Variants in MYO5A observed in about 807,000 individuals in gnomAD.
MYO5A encodes myosin VA.
In MYO5A, 98 loss-of-function variants were observed where a neutral mutation model predicts 249.7. That is an observed-to-expected ratio of 0.39 (90% CI 0.33 to 0.46). The LOEUF is 0.46. Among genes scored for constraint, MYO5A ranks in the 20% least tolerant of loss-of-function variants. The probability of loss-of-function intolerance (pLI) is 0.98; values close to 1 mark genes in which losing one functional copy is unlikely to be tolerated. For synonymous variants in MYO5A, 778 were observed against 810.6 expected (o/e 0.96, Z 0.68); for missense variants, 1,696 against 2,308.8 (o/e 0.73, Z 5.44).
At chr15:52,431,611 A>G (rs1212931499) in intron 2 of MYO5A, among the ~76,000 whole-genome samples, 1 of 151,834 alleles carries the variant, frequency 6.6e-6, no homozygotes, top group African/African-American at 2.4e-5. Flanking sequence ...CTATCCTCCA[A>G]TATAAGGTAA....
At chr15:52,410,031 T>G (rs1231214773) in intron 6 of MYO5A, among the ~76,000 whole-genome samples, 1 of 152,196 alleles carries the variant, frequency 6.6e-6, no homozygotes, top group Admixed American at 6.6e-5. Context: ...TCCCTATCAT[T>G]TGGAAATATG....
At chr15:52,434,318 G>T (rs11855584) in intron 1 of MYO5A, among the ~76,000 whole-genome samples, 22,871 of 151,940 alleles carry the variant, frequency 0.15, 1,828 homozygotes, top group Middle Eastern at 0.22. Context: ...ATTTTTTTAT[G>T]GTGGTTTGCA....
rs530005688 is a variant in MYO5A at position 52,455,044 on chromosome 15, T to TAGTA, written c.28-21760_28-21759insTACT. ...AAGGTCAATGAAACAAAAAGTTTACTGTTTGAAAATATTGACAAACCTTGA... is the reference window on the plus strand; with the variant it reads ...AAGGTCAATGAAACAAAAAGTTTACTAGTAGTTTGAAAATATTGACAAACCTTGA... On this transcript the variant is annotated intron_variant, in intron 1 of 41. Coordinates refer to ENST00000399233, the MANE Select transcript of MYO5A (RefSeq NM_001382347.1). Among the ~76,000 whole-genome samples the TAGTA allele has an allele frequency of 1.5e-4, 23 of 151,706 alleles. No individual in the cohort carries two copies. In the East Asian group the frequency reaches 4.1e-3, roughly 27 times the overall value.
chr15:52,502,722 T>C (rs1349425962), intron 1 of MYO5A, among the ~76,000 whole-genome samples: 1 of 152,246 alleles, frequency 6.6e-6, no homozygotes, highest in Non-Finnish European at 1.5e-5. Flanking sequence ...ATCAATTCTC[T>C]CATTGTGCCA....
intron 1 of MYO5A, among the ~76,000 whole-genome samples, chr15:52,492,570 A>G (rs2076955707): frequency 6.6e-6 from 1 of 152,252 alleles, no homozygotes; most frequent in Non-Finnish European, 1.5e-5. Flanking sequence ...AAGCTTAGGT[A>G]CAGTACACTA....
chr15:52,415,991 T>G (rs2043464296), intron 5 of MYO5A, 154 bp downstream of exon 5: 9 of 909,306 alleles, frequency 9.9e-6, no homozygotes, highest in Non-Finnish European at 1.5e-5. Context: ...GTTTTTACTT[T>G]CCCTAGATTT....
chr15:52,407,984 TA>T (rs2043082908), intron 7 of MYO5A, 74 bp downstream of exon 7: 1 of 1,020,244 alleles, frequency 9.8e-7, no homozygotes, highest in Admixed American at 1.8e-5. Context: ...AGCTCCTTTT[TA>T]ACAAGTAAAT....
intron 1 of MYO5A, among the ~76,000 whole-genome samples, chr15:52,448,953 C>CTTTTTTTTTTTTTTTTTTTTTTTT (rs1567136629): frequency 1.6e-5 from 1 of 61,876 alleles, no homozygotes; most frequent in African/African-American, 7.1e-5. Context: ...CTTTTCTTGT[C>CTTTTTTTTTTTTTTTTTTTTTTTT]TTTCTTTTTT....
intron 25 of MYO5A, among the ~76,000 whole-genome samples, chr15:52,357,222 T>C (rs890068494): frequency 6.6e-6 from 1 of 152,114 alleles, no homozygotes; most frequent in Non-Finnish European, 1.5e-5. Context: ...ATATTATATA[T>C]TTTAATGTTT....
chr15:52,462,842 T>C (rs2082080415), intron 1 of MYO5A, among the ~76,000 whole-genome samples: 1 of 144,628 alleles, frequency 6.9e-6, no homozygotes, highest in Admixed American at 7.0e-5. Flanking sequence ...CGAGAATCCG[T>C]CTTGGAAAAA....
At chr15:52,426,427 C>T (rs533230533) in intron 3 of MYO5A, among the ~76,000 whole-genome samples, 4 of 151,574 alleles carry the variant, frequency 2.6e-5, no homozygotes, top group South Asian at 4.2e-4. Flanking sequence ...TCTGTTACAT[C>T]CATATGATAG....
chr15:52,425,697 C>A, intron 4 of MYO5A, 133 bp downstream of exon 4: 1 of 1,045,322 alleles, frequency 9.6e-7, no homozygotes, highest in Non-Finnish European at 1.4e-6. Flanking sequence ...TCACCTGAGA[C>A]AAACTTGTCA....
At chr15:52,327,784 G>T in intron 36 of MYO5A, 68 bp downstream of exon 36, 1 of 1,448,808 alleles carries the variant, frequency 6.9e-7, no homozygotes, top group Non-Finnish European at 9.7e-7. Context: ...AAGGAAGGAA[G>T]ATCAATCAGT....
chr15:52,432,117 TTAAAG>T (rs139283443), intron 2 of MYO5A, among the ~76,000 whole-genome samples: 22,383 of 152,036 alleles, frequency 0.15, 1,751 homozygotes, highest in Middle Eastern at 0.22. Context: ...AAATAAATGA[TTAAAG>T]TAATAAATAA....
chr15:52,528,234 G>A (rs969487720), intron 1 of MYO5A, among the ~76,000 whole-genome samples: 1 of 152,168 alleles, frequency 6.6e-6, no homozygotes. Context: ...ATCTTTCCCC[G>A]GGGCTCGCCA....
At chr15:52,326,886 T>C (rs561061883) in intron 36 of MYO5A, among the ~76,000 whole-genome samples, 1 of 152,312 alleles carries the variant, frequency 6.6e-6, no homozygotes, top group South Asian at 2.1e-4. Flanking sequence ...ACAGCAACAC[T>C]GAGTTAAAAC....
Position 52,415,160 on chromosome 15 carries a change from C to A in MYO5A, c.612+985G>T, listed in dbSNP as rs543644122. ...AAAACCACTTGTACCACAGGTGCAC[C>A]AGGCCGATTTTAACTCCATCTGTGT... On this transcript the variant is annotated intron_variant, in intron 5 of 41. Transcript: ENST00000399233. Among the ~76,000 whole-genome samples the A allele has an allele frequency of 5.3e-5, 8 of 152,264 alleles. No individual in the cohort carries two copies. The East Asian group carries it at 1.5e-3, about 29-fold the overall frequency.
chr15:52,493,672 G>GA (rs370697005), intron 1 of MYO5A, among the ~76,000 whole-genome samples: 2,591 of 151,132 alleles, frequency 0.017, 83 homozygotes, highest in African/African-American at 0.06. Context: ...AAAAAAAAAA[G>GA]AAAAAAAATG....
At position 52,346,311 on chromosome 15, in the gene MYO5A, T is replaced by C. The variant is rs749172965; in HGVS notation, c.3959+50A>G. ...CTGTACAAGAGGCTGGCTTGAAGGC[T>C]AAAGATCAATATAATTAAACCAAAA... On this transcript the variant is annotated intron_variant, in intron 30 of 41. Coordinates refer to ENST00000399233, the MANE Select transcript of MYO5A (RefSeq NM_001382347.1). 14 of 1,163,834 alleles carry C rather than the reference T, an allele frequency of 1.2e-5. No homozygotes were observed. The South Asian group carries it at 1.6e-4, about 14-fold the overall frequency. The allele number at this position is 1,163,834 out of a possible 1,614,324, so 72.1% of individuals were successfully genotyped here. A position where few individuals can be genotyped will look rare whatever the true frequency, so the allele number is the denominator to read the frequency against.
Sources: allele counts gnomAD v4.1 joint callset (sites outside exome capture counted in the v4.1 genomes callset), GRCh38; gene constraint gnomAD v4.1.1; transcripts MANE v1.5; gene names NCBI Gene and HGNC (gene_info 2026-07-23, HGNC 2026-07-21).